The following CAMTA1 variants were observed in gnomAD, a reference collection of about 807,000 sequenced individuals.
CAMTA1 encodes the protein calmodulin-binding transcription activator 1.
CAMTA1 carries 27 observed loss-of-function variants against 170.9 expected under a neutral mutation model. The observed-to-expected ratio is 0.16, with a 90% confidence interval of 0.12 to 0.22. CAMTA1 has a LOEUF of 0.22. Ranked by LOEUF, CAMTA1 falls within the 10% of genes least tolerant of loss-of-function variation. The probability of loss-of-function intolerance (pLI) is 1.00; values close to 1 mark genes in which losing one functional copy is unlikely to be tolerated. For synonymous variants in CAMTA1, 833 were observed against 891.5 expected (o/e 0.93, Z 1.17); for missense variants, 1,619 against 2,217.2 (o/e 0.73, Z 5.42).
chr1:6,992,484 G>T (rs1488567479), intron 3 of CAMTA1, among the ~76,000 whole-genome samples: 3 of 152,158 alleles, frequency 2.0e-5, no homozygotes, highest in African/African-American at 7.2e-5. Context: ...GCCTTATAAT[G>T]CTAGCTTTTA....
chr1:7,340,052 A>G (rs1367217782), intron 5 of CAMTA1, among the ~76,000 whole-genome samples: 5 of 152,200 alleles, frequency 3.3e-5, no homozygotes, highest in East Asian at 1.9e-4. Context: ...TTTTTTCTGT[A>G]AAGAACCAGC....
chr1:7,353,005 A>G (rs941948704), intron 5 of CAMTA1, among the ~76,000 whole-genome samples: 65 of 152,318 alleles, frequency 4.3e-4, no homozygotes, highest in Non-Finnish European at 5.9e-5. Context: ...CAGGCTCTGC[A>G]TGAGACACTC....
intron 6 of CAMTA1, among the ~76,000 whole-genome samples, chr1:7,529,599 T>G (rs1460102888): frequency 6.6e-6 from 1 of 152,142 alleles, no homozygotes; most frequent in Non-Finnish European, 1.5e-5. Flanking sequence ...CGAGTCCACG[T>G]TCCCTGCTCC....
intron 11 of CAMTA1, among the ~76,000 whole-genome samples, chr1:7,724,494 C>T (rs2149813558): frequency 6.6e-6 from 1 of 152,232 alleles, no homozygotes; most frequent in South Asian, 2.1e-4. Context: ...GCAGAAGGCC[C>T]CAGTCTACTA....
At chr1:7,477,105 G>C (rs1384242148) in intron 6 of CAMTA1, among the ~76,000 whole-genome samples, 2 of 152,178 alleles carry the variant, frequency 1.3e-5, no homozygotes, top group East Asian at 3.9e-4. Context: ...GGTGCCCCAG[G>C]TAGGAGGAAA....
chr1:7,262,585 C>T (rs779424383), intron 5 of CAMTA1, among the ~76,000 whole-genome samples: 3 of 152,170 alleles, frequency 2.0e-5, no homozygotes, highest in Admixed American at 2.0e-4. Flanking sequence ...TAAATTATAG[C>T]TTCCACCTAA....
At chr1:7,270,362 T>A (rs1175123213) in intron 5 of CAMTA1, among the ~76,000 whole-genome samples, 3 of 149,054 alleles carry the variant, frequency 2.0e-5, no homozygotes. Flanking sequence ...TGGTGTGATC[T>A]CGGCTCACTG....
At chr1:7,204,805 GTTTCTTTTTTTTT>G (rs1260272295) in intron 4 of CAMTA1, among the ~76,000 whole-genome samples, 2 of 109,128 alleles carry the variant, frequency 1.8e-5, no homozygotes, top group African/African-American at 3.2e-5. Flanking sequence ...TTGGGTCAGA[GTTTCTTTTTTTTT>G]TTTCTTTTTT....
At chr1:7,237,400 G>A (rs1664086865) in intron 4 of CAMTA1, among the ~76,000 whole-genome samples, 2 of 152,306 alleles carry the variant, frequency 1.3e-5, no homozygotes, top group Non-Finnish European at 2.9e-5. Context: ...GGTCTCAGTT[G>A]TCTGCACAGA....
chr1:7,200,539 C>T (rs894576393), intron 4 of CAMTA1, among the ~76,000 whole-genome samples: 1 of 152,160 alleles, frequency 6.6e-6, no homozygotes, highest in Non-Finnish European at 1.5e-5. Flanking sequence ...AGAGTTCTGC[C>T]GTCTTTCTTT....
In CAMTA1 at chr1:7,663,918, C is replaced by A. The variant is rs150530425; in HGVS notation, c.1371C>A (p.Pro457=). Residue 457 remains proline, a synonymous_variant, in exon 9 of 23, where the codon CCC becomes CCA. Transcript: ENST00000303635. ...TGSSESLSML[P]TNVSEELVLS... is the part of the protein sequence containing the mutation. ...GCTCGGAGAGCCTGTCCATGCTGCCCACCAACGTGTCCGAAGAGCTGGTCC... is the reference window on the plus strand; with the variant it reads ...GCTCGGAGAGCCTGTCCATGCTGCCAACCAACGTGTCCGAAGAGCTGGTCC... 117 of 1,613,792 alleles carry A rather than the reference C, an allele frequency of 7.3e-5. No individual in the cohort carries two copies. Among genetic ancestry groups the A allele is most frequent in the Non-Finnish European group, 9.7e-5 (114 of 1,180,046 alleles).
chr1:7,058,489 C>T (rs1413391841), intron 3 of CAMTA1, among the ~76,000 whole-genome samples: 1 of 152,080 alleles, frequency 6.6e-6, no homozygotes, highest in African/African-American at 2.4e-5. Context: ...CTTGAAAGGC[C>T]GGGGCAGGTG....
chr1:7,187,074 G>A (rs879393730), intron 4 of CAMTA1, among the ~76,000 whole-genome samples: 35 of 152,246 alleles, frequency 2.3e-4, no homozygotes, highest in Non-Finnish European at 3.8e-4. Context: ...AATATAGGAT[G>A]GGCAGTGAAG....
At chr1:7,241,346 C>T (rs1390000759) in intron 4 of CAMTA1, among the ~76,000 whole-genome samples, 4 of 152,302 alleles carry the variant, frequency 2.6e-5, no homozygotes, top group African/African-American at 9.6e-5. Flanking sequence ...TTGGAAGACT[C>T]AATATTGTTA....
intron 6 of CAMTA1, among the ~76,000 whole-genome samples, chr1:7,514,678 G>A (rs976833271): frequency 6.6e-6 from 1 of 152,210 alleles, no homozygotes; most frequent in African/African-American, 2.4e-5. Flanking sequence ...CCTGTGGCAG[G>A]GTGCTTCTGG....
At chr1:7,476,209 G>T (rs1009883477) in intron 6 of CAMTA1, among the ~76,000 whole-genome samples, 2 of 152,324 alleles carry the variant, frequency 1.3e-5, no homozygotes, top group Admixed American at 6.5e-5. Flanking sequence ...ACTCCAAGGG[G>T]TAGCTGGAAC....
chr1:7,448,964 C>G (rs1236499056), intron 5 of CAMTA1, among the ~76,000 whole-genome samples: 1 of 152,214 alleles, frequency 6.6e-6, no homozygotes, highest in Non-Finnish European at 1.5e-5. Flanking sequence ...GGAAATGGCT[C>G]CAAGGTACAG....
At chr1:7,719,249 C>G (rs1037944171) in intron 11 of CAMTA1, among the ~76,000 whole-genome samples, 3 of 152,138 alleles carry the variant, frequency 2.0e-5, no homozygotes, top group African/African-American at 7.2e-5. Context: ...TGTGATGTGG[C>G]TGCCTGAATG....
intron 11 of CAMTA1, among the ~76,000 whole-genome samples, chr1:7,683,209 A>G (rs962737684): frequency 2.0e-5 from 3 of 151,562 alleles, no homozygotes; most frequent in African/African-American, 7.3e-5. Context: ...AGAACATACA[A>G]TGTACACTGA....
Sources: gnomAD v4.1 joint callset for allele counts (sites outside exome capture counted in the v4.1 genomes callset) on GRCh38, gnomAD v4.1.1 for gene constraint, MANE v1.5 for transcripts, NCBI Gene and HGNC (gene_info 2026-07-23, HGNC 2026-07-21) for gene names.